Variants in NDUFV2 observed in about 807,000 individuals in gnomAD.
NDUFV2 encodes the protein NADH:ubiquinone oxidoreductase core subunit V2.
NDUFV2 carries 18 observed loss-of-function variants against 31.6 expected under a neutral mutation model. That is an observed-to-expected ratio of 0.57 (90% confidence interval 0.39 to 0.84). The LOEUF (loss-of-function observed/expected upper bound fraction) is 0.84, where lower values mean the gene tolerates loss of function less well. Among genes scored for constraint, NDUFV2 ranks in the 40% least tolerant of loss-of-function variants. The pLI is 0.00. For missense variants in NDUFV2, 314 were observed against 303.6 expected (o/e 1.03, Z -0.26); for synonymous variants, 83 against 99.8 (o/e 0.83, Z 1.01).
Position 9,119,320 on chromosome 18 carries a change from G to T in NDUFV2, c.121-6G>T, listed in dbSNP as rs376880054. 1.2e-6 allele frequency: 2 copies of T among 1,610,990 alleles called. No individual in the cohort carries two copies. Among genetic ancestry groups the T allele is most frequent in the Non-Finnish European group, 8.5e-7 (1 of 1,177,450 alleles). ...ATAAGTCTGAAAAACTGTTTTTGTT[G>T]TGTAGCACAGAGATACTCCTGAGAA... On this transcript the variant is annotated splice_polypyrimidine_tract_variant and splice_region_variant and intron_variant, in intron 2 of 7. Transcript: ENST00000318388.
At chr18:9,122,804 A>G in intron 5 of NDUFV2, 123 bp downstream of exon 5, 1 of 920,998 alleles carries the variant, frequency 1.1e-6, no homozygotes. Flanking sequence ...ACCTAGTAAT[A>G]TTTTGTGTTA....
chr18:9,104,900 C>A, intron 1 of NDUFV2: 2 of 1,481,996 alleles, frequency 1.3e-6, no homozygotes, highest in Non-Finnish European at 1.8e-6. Flanking sequence ...TCTTGTCAAC[C>A]TGGAAATTAC....
chr18:9,102,757 C>G lies in NDUFV2; in HGVS notation c.14C>G (p.Ala5Gly), dbSNP rs771291959. MFFS[A>G]ALRARAAGLT... Reference sequence around the variant, plus strand: ...GTGTGGCCCGCCATGTTCTTCTCCGCGGCGCTCCGGGCCCGGGCGGCTGGC... The same window carrying G: ...GTGTGGCCCGCCATGTTCTTCTCCGGGGCGCTCCGGGCCCGGGCGGCTGGC... Residue 5 changes from alanine to glycine, a missense_variant, in exon 1 of 8, where the codon GCG becomes GGG. Transcript: ENST00000318388. 6.3e-7 allele frequency: 1 copy of G among 1,588,104 alleles called. No homozygotes were observed. The highest frequency in any genetic ancestry group is 1.1e-5 in the South Asian group (1 of 87,438).
chr18:9,102,981 G>A (rs2077822413), intron 1 of NDUFV2, 184 bp downstream of exon 1: 2 of 579,402 alleles, frequency 3.5e-6, no homozygotes, highest in Non-Finnish European at 5.8e-6. Context: ...CCCCGAGGGA[G>A]GGTTGCCATA....
intron 1 of NDUFV2, among the ~76,000 whole-genome samples, chr18:9,105,694 G>A (rs971713796): frequency 6.6e-6 from 1 of 152,190 alleles, no homozygotes; most frequent in Non-Finnish European, 1.5e-5. Context: ...TCAGTTTACA[G>A]TGGGGTTATC....
chr18:9,105,442 A>T (rs1444529680), intron 1 of NDUFV2, among the ~76,000 whole-genome samples: 1 of 152,204 alleles, frequency 6.6e-6, no homozygotes, highest in Non-Finnish European at 1.5e-5. Flanking sequence ...TAATTGACTA[A>T]AAGTTATAAA....
chr18:9,122,936 A>C (rs1265853761), intron 5 of NDUFV2, among the ~76,000 whole-genome samples: 1 of 152,190 alleles, frequency 6.6e-6, no homozygotes, highest in Non-Finnish European at 1.5e-5. Context: ...AGAAGTTATA[A>C]AATATTCGTT....
Position 9,102,719 on chromosome 18 carries a change from G to A in NDUFV2, c.-25G>A. ...TCGGGATTCTCGCCTGGCGCGGCTGGGGAAGGTGAACAGTGTGGCCCGCCA... is the reference window on the plus strand; with the variant it reads ...TCGGGATTCTCGCCTGGCGCGGCTGAGGAAGGTGAACAGTGTGGCCCGCCA... On this transcript the variant is annotated 5_prime_UTR_variant, in exon 1 of 8. Coordinates refer to ENST00000318388, the MANE Select transcript of NDUFV2 (RefSeq NM_021074.5). 1 of 1,577,670 alleles carries A rather than the reference G, an allele frequency of 6.3e-7. No homozygotes were observed. Among genetic ancestry groups the A allele is most frequent in the Non-Finnish European group, 8.6e-7 (1 of 1,164,646 alleles).
intron 7 of NDUFV2, among the ~76,000 whole-genome samples, chr18:9,128,821 A>G (rs542901267): frequency 6.6e-6 from 1 of 152,318 alleles, no homozygotes; most frequent in African/African-American, 2.4e-5. Flanking sequence ...ACTCTAAAGA[A>G]TATCTCAAGT....
chr18:9,132,917 TTG>T (rs2078052597), intron 7 of NDUFV2, among the ~76,000 whole-genome samples: 1 of 152,146 alleles, frequency 6.6e-6, no homozygotes, highest in Non-Finnish European at 1.5e-5. Context: ...TATAATACTG[TTG>T]TCTTTTTTTT....
intron 1 of NDUFV2, 35 bp from the exon 2 acceptor site, chr18:9,117,803 G>C (rs1237857713): frequency 7.7e-7 from 1 of 1,294,014 alleles, no homozygotes; most frequent in Non-Finnish European, 1.1e-6. Context: ...TTAAGGCTAT[G>C]ATTTACTAAA....
intron 1 of NDUFV2, among the ~76,000 whole-genome samples, chr18:9,108,452 T>C (rs957491268): frequency 2.6e-5 from 4 of 152,150 alleles, no homozygotes; most frequent in Non-Finnish European, 4.4e-5. Context: ...GGAAAGTTTT[T>C]CCCCCTTCTT....
chr18:9,113,158 T>C (rs2077880277), intron 1 of NDUFV2, among the ~76,000 whole-genome samples: 1 of 152,226 alleles, frequency 6.6e-6, no homozygotes, highest in African/African-American at 2.4e-5. Context: ...ACTTGATAGG[T>C]ATTTAATGCT....
intron 6 of NDUFV2, among the ~76,000 whole-genome samples, chr18:9,126,336 C>T (rs1227092672): frequency 6.6e-6 from 1 of 152,138 alleles, no homozygotes; most frequent in Admixed American, 6.5e-5. Flanking sequence ...TATATTTTCT[C>T]ATTAATCCTC....
At chr18:9,133,645 C>G (rs552503467) in intron 7 of NDUFV2, 1 of 153,428 alleles carries the variant, frequency 6.5e-6, no homozygotes, top group South Asian at 2.0e-4. Context: ...AATCCAGTTT[C>G]TATTTCCAAA....
At chr18:9,115,575 G>A (rs1297555728) in intron 1 of NDUFV2, 1 of 152,166 alleles carries the variant, frequency 6.6e-6, no homozygotes, top group African/African-American at 2.4e-5. Flanking sequence ...GGACACTTGG[G>A]GCCAGGCGCA....
intron 1 of NDUFV2, among the ~76,000 whole-genome samples, chr18:9,116,713 C>G (rs2077900013): frequency 6.6e-6 from 1 of 152,102 alleles, no homozygotes; most frequent in African/African-American, 2.4e-5. Context: ...TCATTTGGAC[C>G]TAGGGTAAAG....
chr18:9,120,904 A>T (rs527625092), intron 4 of NDUFV2, among the ~76,000 whole-genome samples: 3 of 152,156 alleles, frequency 2.0e-5, no homozygotes, highest in Non-Finnish European at 4.4e-5. Flanking sequence ...AATCTTGCTG[A>T]GTGGCACGTT....
intron 1 of NDUFV2, chr18:9,112,259 T>C (rs1295341657): frequency 1.3e-5 from 2 of 152,134 alleles, no homozygotes; most frequent in Admixed American, 1.3e-4. Flanking sequence ...CTTTGTGATC[T>C]GCCCACCTTG....
Sources: allele counts gnomAD v4.1 joint callset (sites outside exome capture counted in the v4.1 genomes callset), GRCh38; gene constraint gnomAD v4.1.1; transcripts MANE v1.5; gene names NCBI Gene and HGNC (gene_info 2026-07-23, HGNC 2026-07-21).